The following ZNF407 variants were observed in gnomAD, a reference collection of about 807,000 sequenced individuals.
ZNF407 encodes the protein zinc finger protein 407.
ZNF407 carries 17 observed loss-of-function variants against 131.2 expected under a neutral mutation model. The ratio of observed to expected loss-of-function variants is 0.13; its 90% CI spans 0.09 to 0.19. ZNF407 has a LOEUF of 0.19. Among genes scored for constraint, ZNF407 ranks in the 10% least tolerant of loss-of-function variants. The pLI, the probability that ZNF407 is intolerant of heterozygous loss-of-function variation, is 1.00. For synonymous variants in ZNF407, 1,156 were observed against 1,062.0 expected, an observed-to-expected ratio of 1.09 and a Z score of -1.72; for missense variants, 2,681 against 2,830.6, an observed-to-expected ratio of 0.95 and a Z score of 1.20.
At chr18:74,849,052 C>CTTTTTTTTTTTTTTTTTTTTTTTTTTTTT (rs35529971) in intron 4 of ZNF407, among the ~76,000 whole-genome samples, 1 of 122,946 alleles carries the variant, frequency 8.1e-6, no homozygotes, top group African/African-American at 3.0e-5. Flanking sequence ...ACTTTTGTTT[C>CTTTTTTTTTTTTTTTTTTTTTTTTTTTTT]TTTTTTTTTT....
At chr18:74,638,620 G>C (rs1201760323) in intron 2 of ZNF407, among the ~76,000 whole-genome samples, 1 of 152,028 alleles carries the variant, frequency 6.6e-6, no homozygotes, top group Non-Finnish European at 1.5e-5. Flanking sequence ...AAATTCTTTC[G>C]GTAAAGTAAT....
At chr18:74,880,813 T>C (rs1042082219) in intron 5 of ZNF407, among the ~76,000 whole-genome samples, 8 of 152,216 alleles carry the variant, frequency 5.3e-5, no homozygotes, top group Non-Finnish European at 1.2e-4. Context: ...ATTCCATTGA[T>C]AATAAAGCTA....
intron 1 of ZNF407, among the ~76,000 whole-genome samples, chr18:74,617,536 T>C (rs1391655671): frequency 2.0e-5 from 3 of 152,358 alleles, no homozygotes; most frequent in Admixed American, 6.5e-5. Context: ...AAGACTGCAG[T>C]TCCCTCCACC....
chr18:74,781,089 C>T (rs1471972682), intron 3 of ZNF407, among the ~76,000 whole-genome samples: 5 of 152,018 alleles, frequency 3.3e-5, no homozygotes, highest in Admixed American at 6.5e-5. Flanking sequence ...TTGAAGTGTG[C>T]GATGACCTAG....
chr18:75,017,868 G>T (rs961506110), intron 8 of ZNF407, among the ~76,000 whole-genome samples: 2 of 152,114 alleles, frequency 1.3e-5, no homozygotes, highest in Non-Finnish European at 2.9e-5. Flanking sequence ...TATCTACACT[G>T]TCCAGTGGTG....
chr18:74,625,758 A>G (rs577864018), intron 1 of ZNF407, among the ~76,000 whole-genome samples: 2 of 152,326 alleles, frequency 1.3e-5, no homozygotes, highest in South Asian at 4.1e-4. Context: ...TTTCATCTGT[A>G]AATACTTAGA....
chr18:74,970,843 C>A (rs949393595), intron 8 of ZNF407, among the ~76,000 whole-genome samples: 2 of 152,184 alleles, frequency 1.3e-5, no homozygotes, highest in Non-Finnish European at 2.9e-5. Context: ...GGGCTCTGAC[C>A]CCACATTTTC....
At chr18:74,939,566 T>C (rs940758718) in intron 8 of ZNF407, among the ~76,000 whole-genome samples, 2 of 152,234 alleles carry the variant, frequency 1.3e-5, no homozygotes, top group Non-Finnish European at 2.9e-5. Context: ...GCAAAAATGC[T>C]TAACCTCATT....
chr18:74,977,303 G>A (rs1347212182), intron 8 of ZNF407, among the ~76,000 whole-genome samples: 1 of 152,216 alleles, frequency 6.6e-6, no homozygotes, highest in Admixed American at 6.5e-5. Context: ...GGTGGTGAGA[G>A]CCTAAAACCA....
At chr18:74,848,256 T>A (rs933926884) in intron 4 of ZNF407, among the ~76,000 whole-genome samples, 3 of 152,202 alleles carry the variant, frequency 2.0e-5, no homozygotes, top group East Asian at 3.8e-4. Context: ...TGCGCCACAT[T>A]TCTGTTTCAG....
rs540656285 is a variant in ZNF407 at position 74,948,759 on chromosome 18, A to G, written c.5428+28067A>G. Among the ~76,000 whole-genome samples the G allele has an allele frequency of 9.4e-4, 143 of 152,360 alleles. No homozygotes were observed. In the Middle Eastern group the frequency reaches 0.014, roughly 14 times the overall value. The stretch of plus-strand genomic sequence containing the variant: ...GGAGTTTAAAATAAGCTTGTGTAAG[A>G]ATGCTATGTAAAAATACAGATAACT... On this transcript the variant is annotated intron_variant, in intron 8 of 8. Coordinates refer to ENST00000299687, the MANE Select transcript of ZNF407 (RefSeq NM_017757.3).
intron 8 of ZNF407, among the ~76,000 whole-genome samples, chr18:75,008,184 C>G (rs1462688183): frequency 6.6e-6 from 1 of 152,082 alleles, no homozygotes; most frequent in African/African-American, 2.4e-5. Context: ...TATTGCTGAC[C>G]TCCGTGCAAG....
At chr18:74,697,942 A>G (rs924778861) in intron 3 of ZNF407, among the ~76,000 whole-genome samples, 2 of 152,216 alleles carry the variant, frequency 1.3e-5, no homozygotes, top group African/African-American at 4.8e-5. Context: ...AGAATTTATC[A>G]TAGATTATAA....
intron 8 of ZNF407, among the ~76,000 whole-genome samples, chr18:75,003,471 A>T (rs1360292159): frequency 6.6e-6 from 1 of 152,182 alleles, no homozygotes; most frequent in African/African-American, 2.4e-5. Flanking sequence ...AAAATTGGGG[A>T]AGATCAGAGA....
chr18:74,878,888 CAAAAAAA>C (rs573213763), intron 5 of ZNF407, among the ~76,000 whole-genome samples: 1 of 94,178 alleles, frequency 1.1e-5, no homozygotes, highest in African/African-American at 3.9e-5. Flanking sequence ...CAACCCACTC[CAAAAAAA>C]AAAAAAAAAG....
intron 3 of ZNF407, among the ~76,000 whole-genome samples, chr18:74,755,990 T>A (rs748796189): frequency 6.1e-5 from 8 of 131,932 alleles, no homozygotes; most frequent in Non-Finnish European, 9.4e-5. Context: ...GCCTCCCAAG[T>A]TGAAGCTATT....
chr18:74,818,294 A>G (rs1220813100), intron 4 of ZNF407, among the ~76,000 whole-genome samples: 4 of 152,174 alleles, frequency 2.6e-5, no homozygotes, highest in Non-Finnish European at 5.9e-5. Flanking sequence ...CTGCTTGTCC[A>G]TGGGTCAAGT....
chr18:75,054,219 C>T (rs985150182), intron 8 of ZNF407, among the ~76,000 whole-genome samples: 5 of 152,340 alleles, frequency 3.3e-5, no homozygotes, highest in Admixed American at 6.5e-5. Context: ...GTTAGACCTC[C>T]GAAAGCTTTG....
At chr18:75,037,026 T>C (rs1973317072) in intron 8 of ZNF407, among the ~76,000 whole-genome samples, 1 of 152,328 alleles carries the variant, frequency 6.6e-6, no homozygotes, top group East Asian at 1.9e-4. Context: ...AATCACAAGC[T>C]GACTCCGATA....
Sources: allele counts gnomAD v4.1 joint callset (sites outside exome capture counted in the v4.1 genomes callset), GRCh38; gene constraint gnomAD v4.1.1; transcripts MANE v1.5; gene names NCBI Gene and HGNC (gene_info 2026-07-23, HGNC 2026-07-21).